Variants in RAD51B observed in about 807,000 individuals in gnomAD.
RAD51B encodes RAD51 paralog B.
A neutral mutation model predicts 42.2 loss-of-function variants in RAD51B; 38 were observed. That is an observed-to-expected ratio of 0.90 (90% CI 0.70 to 1.18). The LOEUF (loss-of-function observed/expected upper bound fraction) is 1.18, where lower values mean the gene tolerates loss of function less well. RAD51B is among the 50% of genes most tolerant of loss of function. The probability of loss-of-function intolerance (pLI) is 0.00; values close to 1 mark genes in which losing one functional copy is unlikely to be tolerated. For missense variants in RAD51B, 373 were observed against 400.7 expected (o/e 0.93, Z 0.59); for synonymous variants, 154 against 145.2 (o/e 1.06, Z -0.43).
chr14:68,623,194 C>T (rs868232869), intron 10 of RAD51B, among the ~76,000 whole-genome samples: 3 of 152,176 alleles, frequency 2.0e-5, no homozygotes, highest in African/African-American at 4.8e-5. Flanking sequence ...TATGGGCAGA[C>T]TGACCAGCTG....
intron 7 of RAD51B, among the ~76,000 whole-genome samples, chr14:67,902,407 TG>T (rs2043641842): frequency 6.6e-6 from 1 of 152,198 alleles, no homozygotes; most frequent in Non-Finnish European, 1.5e-5. Context: ...TCTGATTTAG[TG>T]ACTGTTTTTA....
chr14:67,984,002 G>A (rs1363804425), intron 7 of RAD51B, among the ~76,000 whole-genome samples: 4 of 150,940 alleles, frequency 2.7e-5, no homozygotes, highest in Non-Finnish European at 4.4e-5. Flanking sequence ...GCAGTGGCGC[G>A]ATCTTGGCTC....
rs145501569 is a variant in RAD51B, at chr14:68,606,613, T to G, written c.1037-4393T>G. Among the ~76,000 whole-genome samples the G allele has an allele frequency of 2.8e-3, 428 of 152,322 alleles. 2 individuals carry two copies. Among genetic ancestry groups the G allele is most frequent in the African/African-American group, 9.8e-3 (407 of 41,564 alleles). On this transcript the variant is annotated intron_variant, in intron 10 of 10. Coordinates refer to the RAD51B transcript ENST00000487861. ...TATGGTCCTTGACACACCATTGGGT[T>G]CCCTGGGGTTCCTGACTTTGAAAAA...
chr14:68,299,276 C>T (rs2081672983), intron 8 of RAD51B, among the ~76,000 whole-genome samples: 1 of 151,982 alleles, frequency 6.6e-6, no homozygotes, highest in African/African-American at 2.4e-5. Context: ...TCACAACCAC[C>T]CTCTGAGGAT....
intron 7 of RAD51B, among the ~76,000 whole-genome samples, chr14:67,895,073 C>T (rs766615807): frequency 6.6e-6 from 1 of 152,112 alleles, no homozygotes; most frequent in African/African-American, 2.4e-5. Flanking sequence ...CTGTGCCTGG[C>T]CAGGGTTCCA....
chr14:68,050,833 G>A lies in RAD51B; in HGVS notation c.756+163629G>A, dbSNP rs182402878. 3.6e-3 allele frequency among the ~76,000 whole-genome samples: 548 copies of A among 152,140 alleles called. 2 individuals are homozygous for A. Among genetic ancestry groups the A allele is most frequent in the African/African-American group, 0.012 (518 of 41,502 alleles). On this transcript the variant is annotated intron_variant, in intron 7 of 10. Coordinates refer to ENST00000471583, the MANE Select transcript of RAD51B (RefSeq NM_133510.4). ...ATAATGGTATAAATGGGGAGGGGGA[G>A]TGTGTTTTGCCAAAATGGGATCACC...
At chr14:68,111,037 T>C (rs1240787797) in intron 7 of RAD51B, among the ~76,000 whole-genome samples, 1 of 152,064 alleles carries the variant, frequency 6.6e-6, no homozygotes, top group Non-Finnish European at 1.5e-5. Context: ...ATGTGGAATT[T>C]TTCTTACAAG....
intron 7 of RAD51B, among the ~76,000 whole-genome samples, chr14:67,898,094 A>G (rs1376196839): frequency 2.6e-5 from 4 of 152,224 alleles, no homozygotes; most frequent in African/African-American, 9.6e-5. Flanking sequence ...AGGAATTAAA[A>G]TCAGGATCTC....
At chr14:68,291,842 C>A in intron 7 of RAD51B, 42 bp from the exon 8 acceptor site, 1 of 1,473,154 alleles carries the variant, frequency 6.8e-7, no homozygotes. Context: ...CCCTGTCTTT[C>A]TTCTCCCTTG....
chr14:68,345,073 C>T (rs1243718411), intron 8 of RAD51B, among the ~76,000 whole-genome samples: 1 of 152,050 alleles, frequency 6.6e-6, no homozygotes, highest in Non-Finnish European at 1.5e-5. Flanking sequence ...ACCCAATGCC[C>T]ATATTACCAT....
chr14:68,048,219 G>T (rs1331548797), intron 7 of RAD51B, among the ~76,000 whole-genome samples: 6 of 152,116 alleles, frequency 3.9e-5, no homozygotes. Context: ...TCATGTGTCT[G>T]TTGGCTGCAT....
chr14:67,989,134 A>C (rs2075245596), intron 7 of RAD51B, among the ~76,000 whole-genome samples: 1 of 152,142 alleles, frequency 6.6e-6, no homozygotes, highest in South Asian at 2.1e-4. Flanking sequence ...ACTACAGGTA[A>C]ATCACTTAGT....
downstream of RAD51B, among the ~76,000 whole-genome samples, chr14:68,613,113 C>T (rs1380120975): frequency 6.6e-6 from 1 of 152,144 alleles, no homozygotes; most frequent in Non-Finnish European, 1.5e-5. Context: ...TAATGCAGAC[C>T]AATATAAGAT....
chr14:68,047,792 A>G lies in RAD51B; in HGVS notation c.756+160588A>G, dbSNP rs147801530. ...TACTGCTTTAAGTAGGCTTCACTGT[A>G]TGAAGAAAATGCAGACAGCAGAAAA... is the stretch of plus-strand genomic sequence containing the variant. On this transcript the variant is annotated intron_variant, in intron 7 of 10. Transcript: ENST00000471583. Among the ~76,000 whole-genome samples, 352 of 152,334 alleles carry G rather than the reference A, an allele frequency of 2.3e-3. 1 individual carries two copies. The highest frequency in any genetic ancestry group is 8.2e-3 in the African/African-American group (341 of 41,568).
At chr14:68,557,759 A>G (rs928479757) in intron 10 of RAD51B, among the ~76,000 whole-genome samples, 3 of 152,220 alleles carry the variant, frequency 2.0e-5, no homozygotes, top group Non-Finnish European at 2.9e-5. Context: ...TCCCCTTCAA[A>G]GGAACAGGTC....
At chr14:67,861,634 T>G (rs932532300) in intron 4 of RAD51B, among the ~76,000 whole-genome samples, 6 of 151,290 alleles carry the variant, frequency 4.0e-5, no homozygotes, top group Admixed American at 2.6e-4. Flanking sequence ...AGACAAGAGA[T>G]GTCAAATTTG....
At chr14:68,283,178 C>T (rs2081352102) in intron 7 of RAD51B, among the ~76,000 whole-genome samples, 1 of 152,138 alleles carries the variant, frequency 6.6e-6, no homozygotes, top group Non-Finnish European at 1.5e-5. Context: ...ATCCCCAGAG[C>T]CCAGGAGTAC....
chr14:68,349,523 G>A (rs562693057), intron 8 of RAD51B, among the ~76,000 whole-genome samples: 3 of 152,086 alleles, frequency 2.0e-5, no homozygotes, highest in Admixed American at 1.3e-4. Flanking sequence ...CGTGCCCGAC[G>A]CCCAGCTAAT....
intron 9 of RAD51B, among the ~76,000 whole-genome samples, chr14:68,441,790 T>A (rs900901252): frequency 1.3e-5 from 2 of 152,184 alleles, no homozygotes; most frequent in South Asian, 4.1e-4. Flanking sequence ...ACTTTCTGGT[T>A]CTATGAAGAA....
Sources: allele counts gnomAD v4.1 joint callset (sites outside exome capture counted in the v4.1 genomes callset), GRCh38; gene constraint gnomAD v4.1.1; transcripts MANE v1.5; gene names NCBI Gene and HGNC (gene_info 2026-07-23, HGNC 2026-07-21).